MSI2: variants seen among roughly 807,000 people sequenced by gnomAD.
MSI2 encodes RNA-binding protein Musashi homolog 2.
MSI2 carries 17 observed loss-of-function variants against 45.6 expected under a neutral mutation model. That is an observed-to-expected ratio of 0.37 (90% CI 0.26 to 0.56). The LOEUF (loss-of-function observed/expected upper bound fraction) is 0.56, where lower values mean the gene tolerates loss of function less well. Among genes scored for constraint, MSI2 ranks in the 20% least tolerant of loss-of-function variants. The pLI is 0.77. For missense variants in MSI2, 293 were observed against 444.2 expected (o/e 0.66, Z 3.06); for synonymous variants, 156 against 158.2 (o/e 0.99, Z 0.11).
chr17:57,638,867 A>ATTCCAGCC (rs1239316735), intron 10 of MSI2, among the ~76,000 whole-genome samples: 2 of 152,194 alleles, frequency 1.3e-5, no homozygotes, highest in East Asian at 3.8e-4. Context: ...GTGCCACTGC[A>ATTCCAGCC]TTCCAGCCTG....
At chr17:57,609,051 T>C (rs1026259404) in intron 8 of MSI2, among the ~76,000 whole-genome samples, 1 of 152,192 alleles carries the variant, frequency 6.6e-6, no homozygotes, top group African/African-American at 2.4e-5. Context: ...AGTAGCAAGA[T>C]GTGTGTAGCT....
intron 7 of MSI2, among the ~76,000 whole-genome samples, chr17:57,587,895 C>A (rs955235527): frequency 1.1e-4 from 17 of 152,086 alleles, no homozygotes; most frequent in Admixed American, 1.1e-3. Flanking sequence ...TGATGTCTGG[C>A]GTGTCTGGTC....
At chr17:57,468,533 A>C (rs1213521387) in intron 6 of MSI2, among the ~76,000 whole-genome samples, 3 of 151,126 alleles carry the variant, frequency 2.0e-5, no homozygotes, top group African/African-American at 7.3e-5. Flanking sequence ...AAAAAAAAAA[A>C]AAAAACAAGC....
intron 6 of MSI2, among the ~76,000 whole-genome samples, chr17:57,524,910 G>C (rs955159796): frequency 6.6e-6 from 1 of 152,218 alleles, no homozygotes; most frequent in Admixed American, 6.5e-5. Context: ...GTAGCTCATG[G>C]AAAGAGGGGT....
At chr17:57,366,997 C>T (rs564607427) in intron 5 of MSI2, among the ~76,000 whole-genome samples, 29 of 152,326 alleles carry the variant, frequency 1.9e-4, no homozygotes, top group Admixed American at 6.5e-4. Flanking sequence ...ACTTGGCAGC[C>T]GTCAGGGCTG....
intron 8 of MSI2, 24 bp from the exon 9 acceptor site, chr17:57,615,946 T>A (rs1384022472): frequency 1.3e-6 from 2 of 1,557,308 alleles, no homozygotes; most frequent in Non-Finnish European, 8.9e-7. Flanking sequence ...TTGCATCTCA[T>A]TTGTTCGCCT....
intron 10 of MSI2, chr17:57,631,847 TAG>T (rs1331273787): frequency 1.9e-6 from 3 of 1,613,076 alleles, no homozygotes; most frequent in Non-Finnish European, 2.5e-6. Context: ...AAGAGAGGCA[TAG>T]CAAAGTGGGG....
intron 5 of MSI2, among the ~76,000 whole-genome samples, chr17:57,387,598 G>A (rs1436438945): frequency 1.3e-5 from 2 of 152,214 alleles, no homozygotes; most frequent in African/African-American, 2.4e-5. Flanking sequence ...TTTTGCTAGA[G>A]CATCTCTAAC....
At chr17:57,577,931 C>T (rs536246993) in intron 7 of MSI2, among the ~76,000 whole-genome samples, 40 of 152,276 alleles carry the variant, frequency 2.6e-4, no homozygotes, top group Admixed American at 7.2e-4. Context: ...CTTTCCTCCC[C>T]CACACCACCC....
intron 5 of MSI2, among the ~76,000 whole-genome samples, chr17:57,386,739 C>G (rs2083694313): frequency 6.6e-6 from 1 of 152,216 alleles, no homozygotes; most frequent in Admixed American, 6.5e-5. Context: ...CCTTATGAAG[C>G]ACACCTTCTG....
chr17:57,268,264 C>G (rs1908000741), intron 5 of MSI2: 1 of 152,208 alleles, frequency 6.6e-6, no homozygotes, highest in Non-Finnish European at 1.5e-5. Flanking sequence ...TGTCACCAAA[C>G]TTTTGCTCTA....
At chr17:57,270,885 G>A (rs1908297664) in intron 5 of MSI2, among the ~76,000 whole-genome samples, 1 of 152,172 alleles carries the variant, frequency 6.6e-6, no homozygotes, top group South Asian at 2.1e-4. Flanking sequence ...CATTGAGATT[G>A]GAAAATTCTG....
chr17:57,607,572 AAGGGAGG>A (rs748659389), intron 8 of MSI2, among the ~76,000 whole-genome samples: 6 of 152,140 alleles, frequency 3.9e-5, no homozygotes, highest in Non-Finnish European at 8.8e-5. Context: ...GATGTCTGAG[AAGGGAGG>A]AGGGAGGGTC....
intron 7 of MSI2, among the ~76,000 whole-genome samples, chr17:57,536,352 C>G (rs778838422): frequency 6.6e-6 from 1 of 152,302 alleles, no homozygotes; most frequent in African/African-American, 2.4e-5. Flanking sequence ...AGAAAGGGCA[C>G]AGTCCAAGAA....
intron 7 of MSI2, among the ~76,000 whole-genome samples, chr17:57,549,883 C>T (rs1341181513): frequency 6.6e-6 from 1 of 152,168 alleles, no homozygotes; most frequent in Non-Finnish European, 1.5e-5. Context: ...GAAGGGAGTT[C>T]AAGAGAGGCT....
intron 5 of MSI2, among the ~76,000 whole-genome samples, chr17:57,355,645 C>T (rs1916357374): frequency 6.6e-6 from 1 of 152,138 alleles, no homozygotes; most frequent in South Asian, 2.1e-4. Context: ...GATTCTTTTG[C>T]TCTGAGGGTT....
intron 5 of MSI2, among the ~76,000 whole-genome samples, chr17:57,284,938 C>A (rs1909743010): frequency 6.7e-6 from 1 of 149,476 alleles, no homozygotes. Flanking sequence ...ACATTGGTAA[C>A]AATTTATTGA....
At chr17:57,403,738 C>T (rs2084033493) in intron 6 of MSI2, among the ~76,000 whole-genome samples, 1 of 152,066 alleles carries the variant, frequency 6.6e-6, no homozygotes, top group African/African-American at 2.4e-5. Context: ...TTGGGCAGGA[C>T]TCACCACCTC....
At chr17:57,298,738 T>G (rs567864590) in intron 5 of MSI2, among the ~76,000 whole-genome samples, 21 of 152,212 alleles carry the variant, frequency 1.4e-4, no homozygotes, top group Admixed American at 6.5e-4. Context: ...TTTAGCATAA[T>G]TCTTAAGGGC....
Sources: gnomAD v4.1 joint callset for allele counts (sites outside exome capture counted in the v4.1 genomes callset) on GRCh38, gnomAD v4.1.1 for gene constraint, MANE v1.5 for transcripts, NCBI Gene and HGNC (gene_info 2026-07-23, HGNC 2026-07-21) for gene names.